PIWIL3: variants seen among roughly 807,000 people sequenced by gnomAD.
PIWIL3 encodes piwi-like protein 3.
In PIWIL3, 101 loss-of-function variants were observed where a neutral mutation model predicts 109.7. The ratio of observed to expected loss-of-function variants is 0.92; its 90% CI spans 0.78 to 1.09. PIWIL3 has a LOEUF of 1.09. PIWIL3 is among the 50% of genes least tolerant of loss of function. PIWIL3 has a pLI of 0.00. For synonymous variants in PIWIL3, 373 were observed against 376.4 expected (o/e 0.99, Z 0.10); for missense variants, 1,031 against 1,072.6 (o/e 0.96, Z 0.54).
intron 12 of PIWIL3, among the ~76,000 whole-genome samples, chr22:24,744,926 G>A (rs1281459198): frequency 1.3e-5 from 2 of 152,166 alleles, no homozygotes; most frequent in East Asian, 1.9e-4. Context: ...ATAGCTGCAC[G>A]ATGAACATTC....
intron 8 of PIWIL3, among the ~76,000 whole-genome samples, chr22:24,752,299 C>A (rs557300085): frequency 6.6e-6 from 1 of 152,122 alleles, no homozygotes; most frequent in South Asian, 2.1e-4. Flanking sequence ...GCAGTTATGC[C>A]AGAAGCCAGT....
chr22:24,743,270 A>C (rs1924116272), intron 12 of PIWIL3, among the ~76,000 whole-genome samples: 1 of 152,096 alleles, frequency 6.6e-6, no homozygotes, highest in Non-Finnish European at 1.5e-5. Context: ...TAGTACAACC[A>C]CTCTGGAAAA....
rs778045733 is a variant in PIWIL3, at chr22:24,719,833, T to G, written c.2420A>C (p.Asn807Thr). Residue 807 changes from asparagine to threonine, a missense_variant, in exon 20 of 21, where the codon AAC becomes ACC. Physicochemically the swap from Asn to Thr is moderately conservative, Grantham distance 65. Coordinates refer to ENST00000616349, the MANE Select transcript of PIWIL3 (RefSeq NM_001255975.1). ...QDGTVTPTHY[N>T]VIYDTIGLSP... ...CAAGCCAATCGTGTCATAGATGACG[T>G]TATAATGAGTGGGGGTAACAGTCCC... The G allele has an allele frequency of 6.2e-7, 1 of 1,611,140 alleles. No individual in the cohort carries two copies. The highest frequency in any genetic ancestry group is 1.1e-5 in the South Asian group (1 of 91,036).
At chr22:24,752,456 C>A (rs1033321967) in intron 8 of PIWIL3, among the ~76,000 whole-genome samples, 13 of 152,072 alleles carry the variant, frequency 8.5e-5, no homozygotes, top group Admixed American at 6.5e-5. Context: ...ATGTAAATGG[C>A]ACACCTGGTC....
chr22:24,741,483 G>A (rs1924006724), intron 12 of PIWIL3, among the ~76,000 whole-genome samples: 1 of 152,116 alleles, frequency 6.6e-6, no homozygotes, highest in Non-Finnish European at 1.5e-5. Context: ...CAGCCTAGCT[G>A]ACAGAGTGAG....
intron 16 of PIWIL3, among the ~76,000 whole-genome samples, chr22:24,727,194 T>C (rs539988366): frequency 6.6e-6 from 1 of 152,344 alleles, no homozygotes; most frequent in South Asian, 2.1e-4. Flanking sequence ...GAGCCTGTGG[T>C]AGGCAGAATT....
chr22:24,740,647 C>T (rs1308324776), intron 12 of PIWIL3, among the ~76,000 whole-genome samples: 1 of 151,294 alleles, frequency 6.6e-6, no homozygotes, highest in South Asian at 2.1e-4. Flanking sequence ...CACACACAAA[C>T]TAGAAAACCT....
rs1188611412 is a variant in PIWIL3, at chr22:24,744,178, T to TAAA, written c.1449+4726_1449+4728dup. On this transcript the variant is annotated intron_variant, in intron 12 of 20. Coordinates refer to ENST00000616349, the MANE Select transcript of PIWIL3 (RefSeq NM_001255975.1). Reference sequence around the variant, plus strand: ...ACTCTAATTGAAAGAGTGACCGAATTAAAAAAAAAAAAAAAAAAAAAAAAA... The same window carrying TAAA: ...ACTCTAATTGAAAGAGTGACCGAATTAAAAAAAAAAAAAAAAAAAAAAAAAAAA... Among the ~76,000 whole-genome samples the TAAA allele has an allele frequency of 2.0e-4, 7 of 34,316 alleles. 1 individual carries two copies. The highest frequency in any genetic ancestry group is 4.7e-4 in the African/African-American group (5 of 10,566). The allele number at this position is 34,316 out of a possible 152,430, so 22.5% of individuals were successfully genotyped here.
chr22:24,754,466 CAT>C (rs1051497058), intron 7 of PIWIL3, among the ~76,000 whole-genome samples: 93 of 151,662 alleles, frequency 6.1e-4, no homozygotes, highest in African/African-American at 2.2e-3. Flanking sequence ...TTAATATACA[CAT>C]ATACCAGTGA....
At chr22:24,727,448 T>C (rs960022997) in intron 16 of PIWIL3, among the ~76,000 whole-genome samples, 8 of 152,208 alleles carry the variant, frequency 5.3e-5, no homozygotes, top group Non-Finnish European at 8.8e-5. Flanking sequence ...GTTTGCTACA[T>C]GAGAGTGATC....
rs142357286 is a variant in PIWIL3, at chr22:24,759,341, T to C, written c.223+528A>G. Among the ~76,000 whole-genome samples, 1,119 of 152,350 alleles carry C rather than the reference T, an allele frequency of 7.3e-3. 9 individuals are homozygous for C. The highest frequency in any genetic ancestry group is 0.025 in the African/African-American group (1,055 of 41,566). ...TATCTATAATACAATTCTTTTTTAG[T>C]GTTTCAAGTTTTGACTCATCACAAG... On this transcript the variant is annotated intron_variant, in intron 3 of 20. Transcript: ENST00000616349.
intron 1 of PIWIL3, among the ~76,000 whole-genome samples, chr22:24,770,453 C>G (rs929537231): frequency 6.6e-6 from 1 of 152,068 alleles, no homozygotes; most frequent in East Asian, 1.9e-4. Flanking sequence ...CTCTTCCCCC[C>G]AGACACTCCT....
At chr22:24,749,670 G>A in intron 10 of PIWIL3, 23 bp downstream of exon 10, 1 of 1,614,154 alleles carries the variant, frequency 6.2e-7, no homozygotes, top group South Asian at 1.1e-5. Flanking sequence ...TGACTTTAAA[G>A]AGGGGCTGTA....
chr22:24,762,817 AG>A (rs1925518641), intron 1 of PIWIL3, among the ~76,000 whole-genome samples: 2 of 152,168 alleles, frequency 1.3e-5, no homozygotes, highest in African/African-American at 4.8e-5. Context: ...CAGCTCAGGC[AG>A]GTGCTAATCC....
chr22:24,732,444 G>A (rs1201442859), intron 14 of PIWIL3, among the ~76,000 whole-genome samples: 2 of 152,164 alleles, frequency 1.3e-5, no homozygotes, highest in Admixed American at 6.5e-5. Context: ...GGCAAATCTA[G>A]GATGAATAAA....
chr22:24,725,421 C>G (rs754787880), intron 17 of PIWIL3, 24 bp downstream of exon 17: 2 of 1,611,310 alleles, frequency 1.2e-6, no homozygotes, highest in African/African-American at 1.3e-5. Context: ...GTGTCGGGTT[C>G]CCCGACCGCT....
At chr22:24,735,281 T>A (rs1403302630) in intron 13 of PIWIL3, among the ~76,000 whole-genome samples, 1 of 152,168 alleles carries the variant, frequency 6.6e-6, no homozygotes, top group East Asian at 1.9e-4. Flanking sequence ...TTATGATATT[T>A]CAATGTAGGC....
chr22:24,732,526 A>G (rs1923411748), intron 14 of PIWIL3, among the ~76,000 whole-genome samples: 1 of 152,216 alleles, frequency 6.6e-6, no homozygotes, highest in Admixed American at 6.5e-5. Flanking sequence ...GCCCCACATT[A>G]AAAAGGTAAT....
At chr22:24,757,843 G>GAAA (rs61691049) in intron 4 of PIWIL3, 65 bp downstream of exon 4, 39 of 1,324,084 alleles carry the variant, frequency 2.9e-5, no homozygotes, top group Admixed American at 8.1e-5. Context: ...GTCTCTCAAT[G>GAAA]AAAAAAAAAA....
Sources: gnomAD v4.1 joint callset for allele counts (sites outside exome capture counted in the v4.1 genomes callset) on GRCh38, gnomAD v4.1.1 for gene constraint, MANE v1.5 for transcripts, NCBI Gene and HGNC (gene_info 2026-07-23, HGNC 2026-07-21) for gene names.